ASAP1: variants seen among roughly 807,000 people sequenced by gnomAD.
ASAP1 encodes the protein arf-GAP with SH3 domain, ANK repeat and PH domain-containing protein 1.
Under a neutral mutation model 145.2 loss-of-function variants are expected in ASAP1, and 43 were observed. That is an observed-to-expected ratio of 0.30 (90% CI 0.23 to 0.38). The LOEUF (loss-of-function observed/expected upper bound fraction) is 0.38. Among genes scored for constraint, ASAP1 ranks in the 10% least tolerant of loss-of-function variants. The probability of loss-of-function intolerance (pLI) is 1.00; values close to 1 mark genes in which losing one functional copy is unlikely to be tolerated. For synonymous variants in ASAP1, 546 were observed against 515.5 expected (o/e 1.06, Z -0.80); for missense variants, 1,018 against 1,355.3 (o/e 0.75, Z 3.91).
chr8:130,284,605 G>A (rs6986746), intron 3 of ASAP1, among the ~76,000 whole-genome samples: 12,277 of 151,904 alleles, frequency 0.081, 529 homozygotes, highest in African/African-American at 0.09. Flanking sequence ...GCTTCCTTTG[G>A]TTTGGGAACC....
chr8:130,085,871 A>G (rs929372030), intron 25 of ASAP1, among the ~76,000 whole-genome samples: 1 of 152,228 alleles, frequency 6.6e-6, no homozygotes, highest in African/African-American at 2.4e-5. Flanking sequence ...GTCTCCTGAG[A>G]CAGATGGCTG....
chr8:130,102,641 C>T (rs2097530667), intron 24 of ASAP1, among the ~76,000 whole-genome samples: 1 of 152,088 alleles, frequency 6.6e-6, no homozygotes, highest in African/African-American at 2.4e-5. Context: ...CCTTTGTCTT[C>T]AATTTTTTTG....
chr8:130,269,397 A>C (rs1188451291), intron 3 of ASAP1, among the ~76,000 whole-genome samples: 2 of 152,232 alleles, frequency 1.3e-5, no homozygotes, highest in Non-Finnish European at 2.9e-5. Context: ...AGCAAACAAA[A>C]AAATTGTTAG....
intron 3 of ASAP1, among the ~76,000 whole-genome samples, chr8:130,313,306 TA>T (rs76786135): frequency 0.039 from 5,494 of 142,012 alleles, 123 homozygotes; most frequent in Middle Eastern, 0.08. Flanking sequence ...CATAACCGTT[TA>T]AAAAAAAAAA....
At chr8:130,173,100 TAA>T (rs929233993) in intron 9 of ASAP1, among the ~76,000 whole-genome samples, 1 of 152,210 alleles carries the variant, frequency 6.6e-6, no homozygotes, top group African/African-American at 2.4e-5. Flanking sequence ...AAAACAAAAT[TAA>T]AGAGTCAACA....
intron 25 of ASAP1, among the ~76,000 whole-genome samples, chr8:130,081,129 TCTGA>T (rs2097479252): frequency 6.6e-6 from 1 of 152,220 alleles, no homozygotes; most frequent in Admixed American, 6.5e-5. Flanking sequence ...GTTTCTAAAC[TCTGA>T]CTGCTGGCAG....
chr8:130,222,309 C>G (rs975532583), intron 4 of ASAP1, among the ~76,000 whole-genome samples: 3 of 152,218 alleles, frequency 2.0e-5, no homozygotes, highest in Non-Finnish European at 4.4e-5. Flanking sequence ...AACCTCTGGA[C>G]TGGACTGCCT....
At chr8:130,387,369 C>T (rs1177945273) in intron 2 of ASAP1, among the ~76,000 whole-genome samples, 3 of 152,076 alleles carry the variant, frequency 2.0e-5, no homozygotes, top group African/African-American at 7.2e-5. Context: ...AACCTCGTCC[C>T]TACTCAAAAT....
chr8:130,060,441 T>A lies in ASAP1; in HGVS notation c.3192+138A>T, dbSNP rs2097416536. 22 of 1,212,310 alleles carry A rather than the reference T, an allele frequency of 1.8e-5. No homozygotes were observed. In the South Asian group the frequency reaches 2.4e-4, roughly 13 times the overall value. 75.1% of individuals were successfully genotyped at this position (1,212,310 alleles called of 1,614,324 possible). A position where few individuals can be genotyped will look rare whatever the true frequency, so the allele number is the denominator to read the frequency against. On this transcript the variant is annotated intron_variant, in intron 28 of 29. Transcript: ENST00000518721. Reference sequence around the variant, plus strand: ...GTAACCCACAGGCTCTAATCCACCATCATGCTTGAACCAGAGCACATAAGG... The same window carrying A: ...GTAACCCACAGGCTCTAATCCACCAACATGCTTGAACCAGAGCACATAAGG...
At chr8:130,111,213 A>C (rs2097546243) in intron 24 of ASAP1, among the ~76,000 whole-genome samples, 1 of 146,242 alleles carries the variant, frequency 6.8e-6, no homozygotes, top group African/African-American at 2.5e-5. Flanking sequence ...TCTCTACCAA[A>C]AAAAAAAAAA....
chr8:130,098,627 T>C (rs2097523255), intron 24 of ASAP1, among the ~76,000 whole-genome samples: 1 of 152,122 alleles, frequency 6.6e-6, no homozygotes, highest in Non-Finnish European at 1.5e-5. Flanking sequence ...AGATTACAGG[T>C]GTGAGCCACG....
At chr8:130,304,981 T>A (rs115577417) in intron 3 of ASAP1, among the ~76,000 whole-genome samples, 134 of 151,878 alleles carry the variant, frequency 8.8e-4, no homozygotes, top group African/African-American at 2.9e-3. Flanking sequence ...TCCAACCTCT[T>A]CTTCCTCACA....
chr8:130,087,077 C>A (rs969496714), intron 25 of ASAP1, among the ~76,000 whole-genome samples: 2 of 152,092 alleles, frequency 1.3e-5, no homozygotes, highest in Non-Finnish European at 2.9e-5. Flanking sequence ...GGGGACTGGG[C>A]GGGGCTAATC....
At chr8:130,198,802 A>G (rs1048442809) in intron 5 of ASAP1, among the ~76,000 whole-genome samples, 8 of 152,212 alleles carry the variant, frequency 5.3e-5, no homozygotes, top group Non-Finnish European at 1.0e-4. Context: ...CTCTGCTGTT[A>G]CAGCGATCTT....
intron 3 of ASAP1, among the ~76,000 whole-genome samples, chr8:130,346,076 A>C (rs1040977475): frequency 6.6e-6 from 1 of 152,218 alleles, no homozygotes; most frequent in African/African-American, 2.4e-5. Context: ...TGCCTTCAAG[A>C]TTTATAAATC....
intron 27 of ASAP1, 94 bp from the exon 28 acceptor site, chr8:130,061,163 T>C: frequency 7.0e-7 from 1 of 1,431,312 alleles, no homozygotes; most frequent in Non-Finnish European, 9.3e-7. Flanking sequence ...TGAAGGGAAC[T>C]GACCTATAGT....
At chr8:130,057,729 T>C (rs1055000935) in intron 29 of ASAP1, among the ~76,000 whole-genome samples, 10 of 152,210 alleles carry the variant, frequency 6.6e-5, no homozygotes, top group African/African-American at 2.2e-4. Flanking sequence ...ATTACAGGCG[T>C]GAGCCACTGT....
At chr8:130,087,419 CTG>C (rs1405216866) in intron 25 of ASAP1, among the ~76,000 whole-genome samples, 1 of 152,120 alleles carries the variant, frequency 6.6e-6, no homozygotes, top group Non-Finnish European at 1.5e-5. Context: ...ATTCGGGAGA[CTG>C]AGGCAGGAGA....
At chr8:130,235,946 T>A (rs374540690) in intron 4 of ASAP1, among the ~76,000 whole-genome samples, 1 of 152,112 alleles carries the variant, frequency 6.6e-6, no homozygotes, top group Admixed American at 6.6e-5. Context: ...TTTACAGATA[T>A]GAGATCATTA....
Sources: gnomAD v4.1 joint callset for allele counts (sites outside exome capture counted in the v4.1 genomes callset) on GRCh38, gnomAD v4.1.1 for gene constraint, MANE v1.5 for transcripts, NCBI Gene and HGNC (gene_info 2026-07-23, HGNC 2026-07-21) for gene names.